PTPRT: variants seen among roughly 807,000 people sequenced by gnomAD.
PTPRT encodes the protein receptor-type tyrosine-protein phosphatase T.
In PTPRT, 56 loss-of-function variants were observed where a neutral mutation model predicts 176.8. The ratio of observed to expected loss-of-function variants is 0.32; its 90% CI spans 0.26 to 0.40. The LOEUF (loss-of-function observed/expected upper bound fraction) is 0.40, where lower values mean the gene tolerates loss of function less well. PTPRT is among the 10% of genes least tolerant of loss of function. PTPRT has a pLI of 1.00. For missense variants in PTPRT, 1,540 were observed against 1,908.2 expected, an observed-to-expected ratio of 0.81 and a Z score of 3.60; for synonymous variants, 783 against 739.0, an observed-to-expected ratio of 1.06 and a Z score of -0.96.
chr20:42,520,997 T>C (rs946960471), intron 7 of PTPRT, among the ~76,000 whole-genome samples: 4 of 148,206 alleles, frequency 2.7e-5, no homozygotes, highest in African/African-American at 1.1e-4. Context: ...TCTGTCTGTC[T>C]ATCTATCTAT....
At chr20:42,168,701 G>A (rs531306980) in intron 16 of PTPRT, among the ~76,000 whole-genome samples, 2 of 152,104 alleles carry the variant, frequency 1.3e-5, no homozygotes, top group Non-Finnish European at 2.9e-5. Context: ...CCCCTCCAAC[G>A]CTGGAAGTGA....
chr20:42,694,930 C>T (rs929841638), intron 6 of PTPRT, among the ~76,000 whole-genome samples: 1 of 152,186 alleles, frequency 6.6e-6, no homozygotes, highest in Non-Finnish European at 1.5e-5. Context: ...TGCTTCCAAG[C>T]TCACAGAGCT....
At chr20:42,185,847 G>T (rs1265482235) in intron 16 of PTPRT, among the ~76,000 whole-genome samples, 1 of 152,050 alleles carries the variant, frequency 6.6e-6, no homozygotes, top group African/African-American at 2.4e-5. Flanking sequence ...GAAAATAAAT[G>T]GTCCTTCCCT....
chr20:43,144,119 C>A (rs1174033771), intron 1 of PTPRT, among the ~76,000 whole-genome samples: 1 of 152,186 alleles, frequency 6.6e-6, no homozygotes, highest in Non-Finnish European at 1.5e-5. Context: ...CATCCACTTC[C>A]ACGATTCAGT....
intron 1 of PTPRT, among the ~76,000 whole-genome samples, chr20:43,014,429 G>T (rs1307737857): frequency 6.6e-6 from 1 of 152,154 alleles, no homozygotes; most frequent in Non-Finnish European, 1.5e-5. Flanking sequence ...CAGCATTAAT[G>T]CTGCCACACG....
chr20:42,888,059 C>G (rs6030546), intron 1 of PTPRT, among the ~76,000 whole-genome samples: 10,594 of 152,144 alleles, frequency 0.07, 1,045 homozygotes, highest in African/African-American at 0.22. Context: ...TTGCCAACCC[C>G]CAGAACTATG....
chr20:42,354,955 T>C (rs1346659226), intron 9 of PTPRT, among the ~76,000 whole-genome samples: 1 of 151,536 alleles, frequency 6.6e-6, no homozygotes, highest in African/African-American at 2.4e-5. Flanking sequence ...AGCACCTGAG[T>C]GTGCATGTGC....
chr20:42,359,895 T>C (rs1473924242), intron 9 of PTPRT, among the ~76,000 whole-genome samples: 1 of 152,226 alleles, frequency 6.6e-6, no homozygotes, highest in Non-Finnish European at 1.5e-5. Flanking sequence ...TCCTCTAGCC[T>C]GGTGCGGACT....
chr20:42,397,329 G>T (rs1324717450), intron 9 of PTPRT, among the ~76,000 whole-genome samples: 1 of 152,190 alleles, frequency 6.6e-6, no homozygotes, highest in Non-Finnish European at 1.5e-5. Flanking sequence ...GGAATCAGGG[G>T]TACATGTGCC....
intron 8 of PTPRT, among the ~76,000 whole-genome samples, chr20:42,460,557 A>T (rs2071000675): frequency 1.3e-5 from 2 of 152,166 alleles, no homozygotes; most frequent in Admixed American, 1.3e-4. Flanking sequence ...CCAAAATCTC[A>T]TCTTGAATTG....
Position 42,199,397 on chromosome 20 carries a change from C to T in PTPRT, c.2343-9G>A. 1 of 1,613,060 alleles carries T rather than the reference C, an allele frequency of 6.2e-7. No individual in the cohort carries two copies. The highest frequency in any genetic ancestry group is 1.1e-5 in the South Asian group (1 of 90,862). Reference sequence around the variant, plus strand: ...GCTTCTTGGCCAGCTTCCTTTGGGACATGTGCAAGGGGAAAAAACCACAGT... The same window carrying T: ...GCTTCTTGGCCAGCTTCCTTTGGGATATGTGCAAGGGGAAAAAACCACAGT... On this transcript the variant is annotated splice_polypyrimidine_tract_variant and intron_variant, in intron 15 of 30. Transcript: ENST00000373187.
At chr20:42,638,126 C>G (rs532964753) in intron 7 of PTPRT, among the ~76,000 whole-genome samples, 1 of 152,132 alleles carries the variant, frequency 6.6e-6, no homozygotes, top group Non-Finnish European at 1.5e-5. Flanking sequence ...TTTTTATCAG[C>G]ACACTACTGA....
rs189295998 is a variant in PTPRT at position 42,791,157 on chromosome 20, C to T, written c.486+38G>A. 9 of 1,534,412 alleles carry T rather than the reference C, an allele frequency of 5.9e-6. No individual in the cohort carries two copies. In the African/African-American group the frequency reaches 9.7e-5, roughly 16 times the overall value. ...AGAGCAAAGGTGTATAGATTTATTA[C>T]AAATTTTCAAAAATAAAACCATGGT... On this transcript the variant is annotated intron_variant, in intron 3 of 30. Transcript: ENST00000373187.
intron 27 of PTPRT, among the ~76,000 whole-genome samples, chr20:42,087,278 G>A (rs922902363): frequency 3.9e-5 from 6 of 151,948 alleles, no homozygotes; most frequent in Admixed American, 2.0e-4. Flanking sequence ...TTACCTAGGC[G>A]GGAGTGCAGT....
At chr20:42,809,288 G>A (rs571507754) in intron 2 of PTPRT, among the ~76,000 whole-genome samples, 6 of 152,054 alleles carry the variant, frequency 3.9e-5, no homozygotes, top group East Asian at 1.9e-4. Flanking sequence ...GGAAACAAAC[G>A]CAAGGGACAC....
At chr20:42,594,470 T>C (rs1487552968) in intron 7 of PTPRT, among the ~76,000 whole-genome samples, 16 of 152,322 alleles carry the variant, frequency 1.1e-4, no homozygotes, top group Admixed American at 9.2e-4. Context: ...CCAATATCAA[T>C]GAATAAACAT....
intron 16 of PTPRT, among the ~76,000 whole-genome samples, chr20:42,190,182 A>G (rs190794635): frequency 8.5e-5 from 13 of 152,252 alleles, no homozygotes; most frequent in Non-Finnish European, 1.8e-4. Flanking sequence ...TGAAAATATA[A>G]TTGTTCCTGC....
At chr20:43,064,467 T>A (rs1162725715) in intron 1 of PTPRT, among the ~76,000 whole-genome samples, 2 of 152,172 alleles carry the variant, frequency 1.3e-5, no homozygotes, top group African/African-American at 2.4e-5. Flanking sequence ...TCCTCTATGG[T>A]CATCCTCTCA....
intron 1 of PTPRT, among the ~76,000 whole-genome samples, chr20:43,163,102 C>G (rs2014744336): frequency 6.6e-6 from 1 of 152,204 alleles, no homozygotes; most frequent in Non-Finnish European, 1.5e-5. Flanking sequence ...TGCAAGGATG[C>G]CCTGCTAGGA....
Sources: gnomAD v4.1 joint callset for allele counts (sites outside exome capture counted in the v4.1 genomes callset) on GRCh38, gnomAD v4.1.1 for gene constraint, MANE v1.5 for transcripts, NCBI Gene and HGNC (gene_info 2026-07-23, HGNC 2026-07-21) for gene names.